Variants in GNAQ observed in about 807,000 individuals in gnomAD.
The protein encoded by GNAQ is G protein subunit alpha q.
Under a neutral mutation model 43.9 loss-of-function variants are expected in GNAQ, and 8 were observed. The observed-to-expected ratio is 0.18, with a 90% CI of 0.11 to 0.33. GNAQ has a LOEUF of 0.33. Ranked by LOEUF, GNAQ falls within the 10% of genes least tolerant of loss-of-function variation. The pLI is 1.00. For missense variants in GNAQ, 158 were observed against 450.8 expected, an observed-to-expected ratio of 0.35 and a Z score of 5.88; for synonymous variants, 155 against 170.7, an observed-to-expected ratio of 0.91 and a Z score of 0.71.
chr9:77,818,303 A>C (rs1346414548), intron 2 of GNAQ, among the ~76,000 whole-genome samples: 2 of 152,212 alleles, frequency 1.3e-5, no homozygotes, highest in African/African-American at 4.8e-5. Context: ...ATAATCAACC[A>C]TAATTTGCAT....
intron 3 of GNAQ, among the ~76,000 whole-genome samples, chr9:77,804,486 C>G (rs914990870): frequency 2.6e-5 from 4 of 152,108 alleles, no homozygotes; most frequent in African/African-American, 9.7e-5. Context: ...CACTGCACTC[C>G]AGCTTGGGCA....
intron 3 of GNAQ, among the ~76,000 whole-genome samples, chr9:77,807,632 G>C (rs1167352806): frequency 6.6e-6 from 1 of 152,166 alleles, no homozygotes; most frequent in Non-Finnish European, 1.5e-5. Flanking sequence ...CTAGAGGACT[G>C]CTGAAGGAAT....
chr9:77,793,116 T>C (rs929384801), intron 5 of GNAQ, among the ~76,000 whole-genome samples: 5 of 152,124 alleles, frequency 3.3e-5, no homozygotes, highest in African/African-American at 7.2e-5. Context: ...ATCCAGGGAT[T>C]ATGTAACAAA....
chr9:77,872,500 A>C (rs1298549358), intron 2 of GNAQ, among the ~76,000 whole-genome samples: 1 of 152,196 alleles, frequency 6.6e-6, no homozygotes, highest in Non-Finnish European at 1.5e-5. Context: ...TAAATTTGTA[A>C]TATACAGCTC....
intron 1 of GNAQ, among the ~76,000 whole-genome samples, chr9:77,938,060 C>T (rs1165285919): frequency 1.3e-5 from 2 of 152,122 alleles, no homozygotes; most frequent in East Asian, 3.9e-4. Flanking sequence ...TGCTTAGGGG[C>T]CCCATATATA....
chr9:77,939,035 C>T (rs1264762028), intron 1 of GNAQ, among the ~76,000 whole-genome samples: 1 of 152,184 alleles, frequency 6.6e-6, no homozygotes, highest in African/African-American at 2.4e-5. Context: ...TGAGGGTTCT[C>T]TGGGTGTGAG....
At chr9:77,725,189 T>C (rs1296770819) in intron 6 of GNAQ, among the ~76,000 whole-genome samples, 1 of 152,072 alleles carries the variant, frequency 6.6e-6, no homozygotes, top group African/African-American at 2.4e-5. Flanking sequence ...GTTATCTGAA[T>C]AAACATACAC....
intron 2 of GNAQ, among the ~76,000 whole-genome samples, chr9:77,845,371 A>T (rs545757581): frequency 1.3e-5 from 2 of 152,266 alleles, no homozygotes; most frequent in East Asian, 3.9e-4. Flanking sequence ...TTATTTCATT[A>T]TACACTTGAG....
In GNAQ at chr9:77,763,141, CAA is replaced by C. The variant is rs34812363; in HGVS notation, c.735+31320_735+31321del. Among the ~76,000 whole-genome samples the C allele has an allele frequency of 1.0e-3, 65 of 64,892 alleles. 1 individual carries two copies. Among genetic ancestry groups the C allele is most frequent in the African/African-American group, 2.0e-3 (58 of 28,772 alleles). 42.6% of individuals were successfully genotyped at this position (64,892 alleles called of 152,430 possible). The stretch of plus-strand genomic sequence containing the variant: ...ACAAAAAAATAAACAAACAAACAAA[CAA>C]AAAAAAAAAAAACAAAGGAAAAGGT... On this transcript the variant is annotated intron_variant, in intron 5 of 6. Coordinates refer to ENST00000286548, the MANE Select transcript of GNAQ (RefSeq NM_002072.5).
At chr9:77,835,900 AAAAG>A (rs1827375955) in intron 2 of GNAQ, among the ~76,000 whole-genome samples, 1 of 152,200 alleles carries the variant, frequency 6.6e-6, no homozygotes, top group African/African-American at 2.4e-5. Context: ...TTTTGTATTA[AAAAG>A]CTGAAGATAG....
At chr9:77,957,655 T>C (rs1227037516) in intron 1 of GNAQ, among the ~76,000 whole-genome samples, 1 of 152,170 alleles carries the variant, frequency 6.6e-6, no homozygotes, top group Non-Finnish European at 1.5e-5. Flanking sequence ...CAGATATATC[T>C]GCAAGCTGAA....
chr9:77,888,534 C>A (rs1030059809), intron 2 of GNAQ, among the ~76,000 whole-genome samples: 1 of 152,116 alleles, frequency 6.6e-6, no homozygotes, highest in Non-Finnish European at 1.5e-5. Flanking sequence ...AAAATGTCTA[C>A]TCATTGTCGC....
chr9:77,759,345 G>T (rs1825953050), intron 5 of GNAQ, among the ~76,000 whole-genome samples: 1 of 152,082 alleles, frequency 6.6e-6, no homozygotes, highest in Non-Finnish European at 1.5e-5. Flanking sequence ...GATGTTAAAT[G>T]AACATGACAA....
At chr9:77,982,842 T>C (rs1013679436) in intron 1 of GNAQ, among the ~76,000 whole-genome samples, 1 of 149,562 alleles carries the variant, frequency 6.7e-6, no homozygotes. Context: ...ATATACCTAA[T>C]GTAAATGACG....
chr9:77,954,495 CA>C (rs1823019292), intron 1 of GNAQ, among the ~76,000 whole-genome samples: 1 of 152,156 alleles, frequency 6.6e-6, no homozygotes, highest in Admixed American at 6.5e-5. Context: ...GAGAACGATA[CA>C]AAGAGTCACG....
At chr9:78,018,808 T>C (rs1373873987) in intron 1 of GNAQ, among the ~76,000 whole-genome samples, 1 of 152,192 alleles carries the variant, frequency 6.6e-6, no homozygotes, top group Non-Finnish European at 1.5e-5. Flanking sequence ...GGATACATTA[T>C]AGTATAAAAC....
In GNAQ at chr9:77,770,298, T is replaced by C. The variant is rs532863021; in HGVS notation, c.735+24165A>G. ...TATTCAGTCTGATAATCAACAGAAA[T>C]TGTATCCAATTAGATGCTGGTTAGT... On this transcript the variant is annotated intron_variant, in intron 5 of 6. Coordinates refer to ENST00000286548, the MANE Select transcript of GNAQ (RefSeq NM_002072.5). Among the ~76,000 whole-genome samples, 27 of 152,242 alleles carry C rather than the reference T, an allele frequency of 1.8e-4. No homozygotes were observed. The South Asian group carries it at 3.5e-3, about 20-fold the overall frequency.
intron 1 of GNAQ, among the ~76,000 whole-genome samples, chr9:77,980,049 G>C (rs1299043239): frequency 6.6e-6 from 1 of 152,172 alleles, no homozygotes; most frequent in African/African-American, 2.4e-5. Flanking sequence ...CTGCACAACA[G>C]AAAGAGCAAC....
At chr9:78,003,232 A>G (rs1489303010) in intron 1 of GNAQ, among the ~76,000 whole-genome samples, 1 of 152,242 alleles carries the variant, frequency 6.6e-6, no homozygotes, top group African/African-American at 2.4e-5. Context: ...CCCTCAAGGA[A>G]TGAAAAGTGC....
Sources: gnomAD v4.1 joint callset for allele counts (sites outside exome capture counted in the v4.1 genomes callset) on GRCh38, gnomAD v4.1.1 for gene constraint, MANE v1.5 for transcripts, NCBI Gene and HGNC (gene_info 2026-07-23, HGNC 2026-07-21) for gene names.